Variants in CCDC192 observed in about 807,000 individuals in gnomAD.
CCDC192 encodes coiled-coil domain containing 192, also known as coiled-coil domain-containing protein 192.
intron 6 of CCDC192, among the ~76,000 whole-genome samples, chr5:127,884,267 C>T (rs994530996): frequency 3.6e-5 from 5 of 139,612 alleles, no homozygotes; most frequent in Non-Finnish European, 4.5e-5. Flanking sequence ...GGCGTGAACC[C>T]GGGAGGCGGA....
intron 6 of CCDC192, among the ~76,000 whole-genome samples, chr5:127,888,426 A>C (rs1004909077): frequency 4.6e-5 from 7 of 152,122 alleles, no homozygotes; most frequent in Admixed American, 1.3e-4. Flanking sequence ...AAACAAACAA[A>C]AAAAAAAGTC....
intron 5 of CCDC192, among the ~76,000 whole-genome samples, chr5:127,830,853 A>G (rs1409802498): frequency 6.6e-6 from 1 of 152,182 alleles, no homozygotes. Context: ...ACTCTTCTTT[A>G]TGAAAAAGTA....
chr5:127,899,993 A>T (rs1175162318), intron 6 of CCDC192, among the ~76,000 whole-genome samples: 1 of 152,154 alleles, frequency 6.6e-6, no homozygotes, highest in Non-Finnish European at 1.5e-5. Context: ...CCCTGCCTTC[A>T]CCTGTGTTTA....
chr5:127,756,123 ACT>A (rs934328116), intron 3 of CCDC192, among the ~76,000 whole-genome samples: 59 of 150,856 alleles, frequency 3.9e-4, no homozygotes, highest in African/African-American at 1.5e-3. Context: ...ACAGAGCCAG[ACT>A]CTGTCTCAAA....
chr5:127,717,614 C>G (rs552595525), intron 2 of CCDC192, among the ~76,000 whole-genome samples: 42 of 151,494 alleles, frequency 2.8e-4, no homozygotes, highest in Admixed American at 2.4e-3. Flanking sequence ...TTTTATTTAC[C>G]TTAATAATTT....
chr5:127,772,525 C>G (rs1238384587), intron 3 of CCDC192, among the ~76,000 whole-genome samples: 1 of 151,598 alleles, frequency 6.6e-6, no homozygotes, highest in Non-Finnish European at 1.5e-5. Context: ...GCTCCACCCT[C>G]TCTGTTTGTT....
intron 5 of CCDC192, among the ~76,000 whole-genome samples, chr5:127,812,052 G>A (rs1382002323): frequency 6.6e-6 from 1 of 152,180 alleles, no homozygotes; most frequent in African/African-American, 2.4e-5. Context: ...TAGATTGCTT[G>A]ATCCTGAGGC....
rs1029274978 is a variant in CCDC192, at chr5:127,764,744, A to G, written c.222+10369A>G. 1.2e-4 allele frequency among the ~76,000 whole-genome samples: 19 copies of G among 152,308 alleles called. No individual in the cohort carries two copies. The East Asian group carries it at 2.7e-3, about 22-fold the overall frequency. ...TAAGAATAGCTGATGAGCTAAAAAA[A>G]AAAAATTCACAAAAAACCTCATACT... On this transcript the variant is annotated intron_variant, in intron 3 of 6. Coordinates refer to ENST00000514853, the MANE Select transcript of CCDC192 (RefSeq NM_001317938.2).
intron 3 of CCDC192, among the ~76,000 whole-genome samples, chr5:127,796,717 A>G (rs1356141945): frequency 6.6e-6 from 1 of 152,170 alleles, no homozygotes; most frequent in Non-Finnish European, 1.5e-5. Context: ...GTAGCCCACC[A>G]AGAGTTAAGT....
chr5:127,825,869 C>A (rs1380502889), intron 5 of CCDC192, among the ~76,000 whole-genome samples: 1 of 152,186 alleles, frequency 6.6e-6, no homozygotes, highest in East Asian at 1.9e-4. Flanking sequence ...CTTGGCAGTA[C>A]TAGCAAGCTA....
chr5:127,709,018 G>C (rs564171137), intron 2 of CCDC192, among the ~76,000 whole-genome samples: 1 of 151,750 alleles, frequency 6.6e-6, no homozygotes, highest in South Asian at 2.1e-4. Flanking sequence ...TAGTGGCTTT[G>C]GCTTCTGCTA....
intron 5 of CCDC192, among the ~76,000 whole-genome samples, chr5:127,847,844 A>AATACATAC (rs1433942736): frequency 6.6e-6 from 1 of 151,084 alleles, no homozygotes; most frequent in African/African-American, 2.4e-5. Flanking sequence ...TAAATAAATA[A>AATACATAC]ATAAATAAAT....
intron 2 of CCDC192, among the ~76,000 whole-genome samples, chr5:127,738,640 T>C (rs1417408724): frequency 2.0e-3 from 297 of 151,444 alleles, no homozygotes; most frequent in African/African-American, 7.1e-3. Flanking sequence ...CTTTTTATTC[T>C]TTTTTCTCTA....
At chr5:127,878,477 G>T (rs1306433188) in intron 6 of CCDC192, among the ~76,000 whole-genome samples, 1 of 152,188 alleles carries the variant, frequency 6.6e-6, no homozygotes, top group Non-Finnish European at 1.5e-5. Flanking sequence ...CTCATTACTG[G>T]AAAGGAGTGA....
rs1219307107 is a variant in CCDC192 at position 127,918,216 on chromosome 5, T to TAAAAAA, written c.536-22952_536-22947dup. ...AGGGTTGCCAGACACCTTCAATTTG[T>TAAAAAA]AAAAAAAAAAAAAAAAAAAGTAGTA... On this transcript the variant is annotated intron_variant, in intron 6 of 6. Coordinates refer to ENST00000514853, the MANE Select transcript of CCDC192 (RefSeq NM_001317938.2). 2.0e-4 allele frequency among the ~76,000 whole-genome samples: 20 copies of TAAAAAA among 100,404 alleles called. 1 individual carries two copies. The highest frequency in any genetic ancestry group is 1.3e-3 in the East Asian group (5 of 3,764). The allele number at this position is 100,404 out of a possible 152,430, so 65.9% of individuals were successfully genotyped here.
chr5:127,785,124 G>C (rs1010875327), intron 3 of CCDC192: 1 of 521,222 alleles, frequency 1.9e-6, no homozygotes. Flanking sequence ...TTGCCGTCTG[G>C]AATGTGGATG....
chr5:127,738,126 G>T (rs1283523067), intron 2 of CCDC192, among the ~76,000 whole-genome samples: 2 of 151,590 alleles, frequency 1.3e-5, no homozygotes, highest in Non-Finnish European at 2.9e-5. Context: ...GGCAGGCCTG[G>T]TGGTGACAAA....
chr5:127,923,593 G>T (rs530970231), intron 6 of CCDC192, among the ~76,000 whole-genome samples: 1 of 152,268 alleles, frequency 6.6e-6, no homozygotes, highest in African/African-American at 2.4e-5. Context: ...TAGCCAGGAT[G>T]GTCTTGATCT....
intron 2 of CCDC192, among the ~76,000 whole-genome samples, chr5:127,753,624 G>A (rs898874551): frequency 6.6e-6 from 1 of 151,774 alleles, no homozygotes; most frequent in African/African-American, 2.4e-5. Flanking sequence ...GGAGGTGGAG[G>A]TTGCAGTGAG....
Sources: gnomAD v4.1 joint callset for allele counts (sites outside exome capture counted in the v4.1 genomes callset) on GRCh38, gnomAD v4.1.1 for gene constraint, MANE v1.5 for transcripts, NCBI Gene and HGNC (gene_info 2026-07-23, HGNC 2026-07-21) for gene names.